Variants in DNAH17 observed in about 807,000 individuals in gnomAD.
DNAH17 encodes the protein dynein axonemal heavy chain 17, also known as axonemal beta dynein heavy chain 17.
Under a neutral mutation model 485.6 loss-of-function variants are expected in DNAH17, and 376 were observed. The observed-to-expected ratio is 0.77, with a 90% CI of 0.71 to 0.84. DNAH17 has a LOEUF of 0.84. DNAH17 is among the 40% of genes least tolerant of loss of function. DNAH17 has a pLI of 0.00. For synonymous variants in DNAH17, 3,031 were observed against 2,405.9 expected (o/e 1.26, Z -7.60); for missense variants, 6,370 against 5,839.3 (o/e 1.09, Z -2.96).
chr17:78,538,138 CAAAAAAAAAAAAAAA>C (rs60460125), intron 18 of DNAH17, among the ~76,000 whole-genome samples: 1 of 106,292 alleles, frequency 9.4e-6, no homozygotes, highest in South Asian at 3.3e-4. Context: ...ACTCTGTCTC[CAAAAAAAAAAAAAAA>C]AAAAAAAAAA....
intron 43 of DNAH17, 52 bp from the exon 44 acceptor site, chr17:78,490,899 A>C: frequency 6.6e-7 from 1 of 1,524,046 alleles, no homozygotes; most frequent in East Asian, 2.4e-5. Flanking sequence ...CTGCCATCCC[A>C]ATGGTGTTCT....
rs899832022 is a variant in DNAH17, at chr17:78,433,935, G to GGGAAGGAGGGAGGGAA, written c.12225+78_12225+93dup. ...GGAAAGGGAGGGAAGGAAGGAGGGA[G>GGGAAGGAGGGAGGGAA]GGAAGGAGGGAGGGAAGGAGGGAGG... On this transcript the variant is annotated intron_variant, in intron 75 of 80. Coordinates refer to ENST00000389840, the MANE Select transcript of DNAH17 (RefSeq NM_173628.4). The GGGAAGGAGGGAGGGAA allele has an allele frequency of 1.1e-5, 10 of 873,810 alleles. No homozygotes were observed. The African/African-American group carries it at 2.9e-4, about 26-fold the overall frequency. 54.1% of individuals were successfully genotyped at this position (873,810 alleles called of 1,614,324 possible).
At chr17:78,548,050 C>G (rs2091812232) in intron 16 of DNAH17, among the ~76,000 whole-genome samples, 1 of 152,192 alleles carries the variant, frequency 6.6e-6, no homozygotes, top group Admixed American at 6.5e-5. Flanking sequence ...TCCACTGTTA[C>G]ACAGCACTAG....
Position 78,574,881 on chromosome 17 carries a change from G to A in DNAH17, c.177C>T (p.Ala59=), listed in dbSNP as rs369983580. ...VQVLVLTLNA[A]GMIIPCLGFP... ...AGCCCAGGCAGGGTATGATCATGCC[G>A]GCTGCATTGAGCGTCAGCACCAGCA... Residue 59 remains alanine, a synonymous_variant, in exon 2 of 81, where the codon GCC becomes GCT. Transcript: ENST00000389840. The A allele has an allele frequency of 1.8e-4, 292 of 1,613,892 alleles. No homozygotes were observed. Among genetic ancestry groups the A allele is most frequent in the Non-Finnish European group, 2.3e-4 (274 of 1,179,908 alleles).
At chr17:78,472,048 G>A (rs1472646542) in intron 54 of DNAH17, among the ~76,000 whole-genome samples, 2 of 152,158 alleles carry the variant, frequency 1.3e-5, no homozygotes, top group African/African-American at 4.8e-5. Flanking sequence ...TGTCAGCCAA[G>A]GACGGCAATC....
At chr17:78,453,548 C>T in intron 64 of DNAH17, 83 bp from the exon 65 acceptor site, 1 of 1,563,746 alleles carries the variant, frequency 6.4e-7, no homozygotes, top group Admixed American at 1.8e-5. Context: ...CAGCCCCTGC[C>T]CTCTGAGCGA....
intron 18 of DNAH17, among the ~76,000 whole-genome samples, chr17:78,537,695 G>T (rs2091415099): frequency 6.6e-6 from 1 of 152,250 alleles, no homozygotes. Context: ...GGCAGGGGCA[G>T]GTTGGGGCAA....
chr17:78,454,968 G>A (rs1231106379), intron 63 of DNAH17, among the ~76,000 whole-genome samples: 1 of 151,950 alleles, frequency 6.6e-6, no homozygotes, highest in African/African-American at 2.4e-5. Context: ...GGAGTGCAGT[G>A]GTGTGATCTT....
In DNAH17 at chr17:78,574,952, T is replaced by C. The variant is rs868743383; in HGVS notation, c.106A>G (p.Asn36Asp). ...AAGAACTCTGTGAACAGGGCCACGT[T>C]CTCCTCGGCGCCTATCAGCTTGCTC... ...KWSKLIGAEE[N>D]VALFTEFFEK... The change falls in exon 2 of 81, where the codon AAC becomes GAC. Residue 36 changes from asparagine (N) to aspartate (D), a missense_variant. Transcript: ENST00000389840. 2.0e-5 allele frequency: 33 copies of C among 1,613,786 alleles called. No individual in the cohort carries two copies. The East Asian group carries it at 7.1e-4, about 35-fold the overall frequency.
intron 25 of DNAH17, 33 bp downstream of exon 25, chr17:78,524,976 G>A (rs770889502): frequency 2.0e-5 from 31 of 1,582,620 alleles, no homozygotes; most frequent in Middle Eastern, 3.4e-4. Flanking sequence ...GCAGAATCCC[G>A]GGCCCCACCC....
intron 13 of DNAH17, among the ~76,000 whole-genome samples, chr17:78,560,036 C>T (rs940067996): frequency 6.6e-6 from 1 of 152,166 alleles, no homozygotes; most frequent in Non-Finnish European, 1.5e-5. Context: ...GCTCTTCCTT[C>T]CGCGGAACCT....
chr17:78,478,992 G>A (rs1434863262), intron 51 of DNAH17, 33 bp downstream of exon 51: 12 of 1,594,742 alleles, frequency 7.5e-6, no homozygotes, highest in Non-Finnish European at 9.5e-6. Context: ...TGGACCGTAA[G>A]GCAGGCATGA....
chr17:78,484,739 A>ACCCCCCTCCCCCCCCCCCC, intron 48 of DNAH17, 129 bp downstream of exon 48: 1 of 347,796 alleles, frequency 2.9e-6, no homozygotes, highest in Admixed American at 7.1e-5. Flanking sequence ...ACGTTGCAGC[A>ACCCCCCTCCCCCCCCCCCC]CCCCCCCCAC....
intron 75 of DNAH17, among the ~76,000 whole-genome samples, chr17:78,433,585 G>GT (rs1484158195): frequency 6.6e-6 from 1 of 152,122 alleles, no homozygotes; most frequent in Non-Finnish European, 1.5e-5. Context: ...CCAAACCTGG[G>GT]TTCTCTCCAG....
At chr17:78,503,968 A>AAAACAAACAAAC (rs200201713) in intron 31 of DNAH17, among the ~76,000 whole-genome samples, 1 of 145,082 alleles carries the variant, frequency 6.9e-6, no homozygotes, top group African/African-American at 2.6e-5. Flanking sequence ...CTCCATCTCA[A>AAAACAAACAAAC]AAACAAACAA....
At chr17:78,519,500 C>A (rs1343145053) in intron 25 of DNAH17, among the ~76,000 whole-genome samples, 2 of 152,126 alleles carry the variant, frequency 1.3e-5, no homozygotes, top group Non-Finnish European at 2.9e-5. Context: ...AAACAAAAAT[C>A]TTTTTCTTTG....
chr17:78,489,381 C>T (rs2089748956), intron 44 of DNAH17: 1 of 152,310 alleles, frequency 6.6e-6, no homozygotes, highest in African/African-American at 2.4e-5. Context: ...CCAGCCCTAC[C>T]CTCCAGCACT....
At chr17:78,529,081 C>T (rs1404342125) in intron 22 of DNAH17, among the ~76,000 whole-genome samples, 1 of 151,946 alleles carries the variant, frequency 6.6e-6, no homozygotes, top group African/African-American at 2.4e-5. Context: ...GTAGCTGAGA[C>T]TACACTAGCC....
chr17:78,544,859 G>A (rs1029135161), intron 16 of DNAH17, among the ~76,000 whole-genome samples: 1 of 147,660 alleles, frequency 6.8e-6, no homozygotes, highest in Non-Finnish European at 1.5e-5. Flanking sequence ...TTATGATTTG[G>A]ACTTTACTGT....
Sources: gnomAD v4.1 joint callset for allele counts (sites outside exome capture counted in the v4.1 genomes callset) on GRCh38, gnomAD v4.1.1 for gene constraint, MANE v1.5 for transcripts, NCBI Gene and HGNC (gene_info 2026-07-23, HGNC 2026-07-21) for gene names.